STAU2: variants seen among roughly 807,000 people sequenced by gnomAD.
STAU2 encodes the protein staufen double-stranded RNA binding protein 2, also known as double-stranded RNA-binding protein Staufen homolog 2.
Under a neutral mutation model 65.9 loss-of-function variants are expected in STAU2, and 20 were observed. The observed-to-expected ratio is 0.30, with a 90% CI of 0.21 to 0.44. The LOEUF is 0.44. Among genes scored for constraint, STAU2 ranks in the 20% least tolerant of loss-of-function variants. The probability of loss-of-function intolerance (pLI) is 1.00; values close to 1 mark genes in which losing one functional copy is unlikely to be tolerated. For missense variants in STAU2, 558 were observed against 683.9 expected, an observed-to-expected ratio of 0.82 and a Z score of 2.05; for synonymous variants, 232 against 233.9, an observed-to-expected ratio of 0.99 and a Z score of 0.07.
chr8:73,642,899 T>C (rs1329301599), intron 6 of STAU2, among the ~76,000 whole-genome samples: 1 of 152,142 alleles, frequency 6.6e-6, no homozygotes, highest in East Asian at 1.9e-4. Context: ...TGGAGTGAAG[T>C]TGGAACAGCA....
intron 13 of STAU2, among the ~76,000 whole-genome samples, chr8:73,504,626 C>A (rs772325139): frequency 6.6e-6 from 1 of 151,836 alleles, no homozygotes; most frequent in African/African-American, 2.4e-5. Flanking sequence ...ACTTTTGCCA[C>A]CTAGTGGGGG....
At chr8:73,426,658 G>C (rs62510889) in intron 13 of STAU2, among the ~76,000 whole-genome samples, 1 of 152,036 alleles carries the variant, frequency 6.6e-6, no homozygotes. Flanking sequence ...TTTTACGGCC[G>C]AGTAGTATTC....
At chr8:73,497,427 T>C (rs939095585) in intron 13 of STAU2, among the ~76,000 whole-genome samples, 2 of 147,178 alleles carry the variant, frequency 1.4e-5, no homozygotes, top group African/African-American at 4.9e-5. Context: ...ACCACATTTA[T>C]ATAAGCAAAT....
At chr8:73,667,220 C>T (rs28418598) in intron 6 of STAU2, among the ~76,000 whole-genome samples, 49,411 of 151,850 alleles carry the variant, frequency 0.33, 9,449 homozygotes, top group African/African-American at 0.52. Context: ...ACAACATTGT[C>T]GTAATTCTTT....
intron 13 of STAU2, among the ~76,000 whole-genome samples, chr8:73,455,459 AC>A (rs1165055919): frequency 2.6e-5 from 4 of 152,096 alleles, no homozygotes; most frequent in Admixed American, 1.3e-4. Context: ...AGACACTGAC[AC>A]CAGACCTCCC....
intron 11 of STAU2, 52 bp from the exon 12 acceptor site, chr8:73,582,882 AG>A (rs1810096602): frequency 4.5e-6 from 7 of 1,554,840 alleles, no homozygotes; most frequent in Admixed American, 1.9e-5. Context: ...TTATTCAAAA[AG>A]AAAAAAAAAA....
chr8:73,488,124 T>G (rs1821006155), intron 13 of STAU2, among the ~76,000 whole-genome samples: 1 of 152,096 alleles, frequency 6.6e-6, no homozygotes, highest in African/African-American at 2.4e-5. Context: ...ACTTTTTGTC[T>G]CTTGAAAATA....
At chr8:73,625,854 C>T (rs1476019490) in intron 6 of STAU2, among the ~76,000 whole-genome samples, 1 of 150,506 alleles carries the variant, frequency 6.6e-6, no homozygotes, top group Non-Finnish European at 1.5e-5. Context: ...ACTAGCCTAC[C>T]AAATTTTGTA....
intron 5 of STAU2, among the ~76,000 whole-genome samples, chr8:73,685,614 G>C (rs1818749374): frequency 6.6e-6 from 1 of 152,016 alleles, no homozygotes; most frequent in African/African-American, 2.4e-5. Context: ...CTAACCTCGT[G>C]ATCTGCCCAC....
chr8:73,454,713 A>G (rs969858663), intron 13 of STAU2, among the ~76,000 whole-genome samples: 1 of 152,222 alleles, frequency 6.6e-6, no homozygotes, highest in African/African-American at 2.4e-5. Flanking sequence ...ATTTTTAAAG[A>G]GAGAAGAATA....
intron 6 of STAU2, among the ~76,000 whole-genome samples, chr8:73,660,861 A>G (rs1250691257): frequency 6.6e-6 from 1 of 152,198 alleles, no homozygotes; most frequent in Non-Finnish European, 1.5e-5. Context: ...TTCCTCCTAT[A>G]AAGCATACAC....
chr8:73,570,151 C>A (rs954268726), intron 12 of STAU2, among the ~76,000 whole-genome samples: 2 of 152,176 alleles, frequency 1.3e-5, no homozygotes, highest in Admixed American at 1.3e-4. Flanking sequence ...AACCATGGCA[C>A]AAGAACTACG....
At chr8:73,573,086 C>G (rs564240541) in intron 12 of STAU2, among the ~76,000 whole-genome samples, 4 of 152,344 alleles carry the variant, frequency 2.6e-5, no homozygotes, top group African/African-American at 9.6e-5. Context: ...GCAAAAATCA[C>G]AAGCATTCCT....
intron 3 of STAU2, among the ~76,000 whole-genome samples, chr8:73,729,030 T>C (rs540640825): frequency 1.3e-5 from 2 of 152,328 alleles, no homozygotes; most frequent in South Asian, 2.1e-4. Flanking sequence ...TCTTTTACTA[T>C]TGAGTTGGAT....
chr8:73,729,210 T>C (rs1017401985), intron 3 of STAU2, among the ~76,000 whole-genome samples: 1 of 152,252 alleles, frequency 6.6e-6, no homozygotes, highest in African/African-American at 2.4e-5. Context: ...CGCTTCATTC[T>C]ATTAATGTGT....
chr8:73,697,935 C>T (rs1024918472), intron 4 of STAU2, among the ~76,000 whole-genome samples: 4 of 151,854 alleles, frequency 2.6e-5, no homozygotes, highest in African/African-American at 9.7e-5. Flanking sequence ...CAAAAATTAG[C>T]CAGGTGTGGT....
intron 6 of STAU2, among the ~76,000 whole-genome samples, chr8:73,669,275 T>C (rs1817484267): frequency 6.6e-6 from 1 of 152,128 alleles, no homozygotes; most frequent in African/African-American, 2.4e-5. Context: ...CTGCAGAATA[T>C]CATAAAATAA....
intron 3 of STAU2, among the ~76,000 whole-genome samples, chr8:73,719,797 T>TTC (rs1821512538): frequency 6.6e-6 from 1 of 152,236 alleles, no homozygotes; most frequent in Non-Finnish European, 1.5e-5. Flanking sequence ...TTTGTCTGAT[T>TTC]CTGGTATCCC....
chr8:73,577,830 C>T (rs2128960201), intron 12 of STAU2, among the ~76,000 whole-genome samples: 1 of 152,226 alleles, frequency 6.6e-6, no homozygotes, highest in Admixed American at 6.5e-5. Context: ...AACATTTTTT[C>T]ATGATTTCTT....
Sources: gnomAD v4.1 joint callset for allele counts (sites outside exome capture counted in the v4.1 genomes callset) on GRCh38, gnomAD v4.1.1 for gene constraint, MANE v1.5 for transcripts, NCBI Gene and HGNC (gene_info 2026-07-23, HGNC 2026-07-21) for gene names.